IQSEC2: variants seen among roughly 807,000 people sequenced by gnomAD.
IQSEC2 encodes the protein IQ motif and Sec7 domain ArfGEF 2, also known as IQ motif and SEC7 domain-containing protein 2.
Under a neutral mutation model 74.6 loss-of-function variants are expected in IQSEC2, and 6 were observed. That is an observed-to-expected ratio of 0.08 (90% CI 0.04 to 0.16). The LOEUF (loss-of-function observed/expected upper bound fraction) is 0.16. Among genes scored for constraint, IQSEC2 ranks in the 10% least tolerant of loss-of-function variants. IQSEC2 has a pLI of 1.00. For missense variants in IQSEC2, 734 were observed against 1,306.2 expected, an observed-to-expected ratio of 0.56 and a Z score of 6.75; for synonymous variants, 494 against 544.5, an observed-to-expected ratio of 0.91 and a Z score of 1.29.
intron 13 of IQSEC2, 144 bp downstream of exon 13, chrX:53,236,177 GT>G: frequency 1.4e-6 from 1 of 698,411 alleles, no homozygotes; most frequent in Non-Finnish European, 2.1e-6. Context: ...CAGGCCCCCT[GT>G]GGCGCAGCGC....
rs372552860 is a variant in IQSEC2, at chrX:53,239,211, C to T, written c.3099G>A (p.Gln1033=). 3.3e-6 allele frequency: 4 copies of T among 1,198,543 alleles called. No individual in the cohort carries two copies. The highest frequency in any genetic ancestry group is 2.2e-5 in the Admixed American group (1 of 45,797). Reference sequence around the variant, plus strand: ...GGGACTCACATGAATTCTGGAAGAGCTGCATGTGCATTTCCACGAGGGGGA... The same window carrying T: ...GGGACTCACATGAATTCTGGAAGAGTTGCATGTGCATTTCCACGAGGGGGA... ...QSFPLVEMHM[Q]LFQNSYYQFG... Residue 1033 remains glutamine (Q), a synonymous_variant, in exon 11 of 15, where the codon CAG becomes CAA. Coordinates refer to ENST00000642864, the MANE Select transcript of IQSEC2 (RefSeq NM_001111125.3).
chrX:53,293,714 C>A (rs1185046320), intron 1 of IQSEC2, among the ~76,000 whole-genome samples: 1 of 111,650 alleles, frequency 9.0e-6, no homozygotes, highest in Admixed American at 9.5e-5. Context: ...TCTACCAGGC[C>A]CTGCCCTGGG....
intron 1 of IQSEC2, among the ~76,000 whole-genome samples, chrX:53,318,585 G>C (rs918366603): frequency 2.8e-4 from 31 of 112,602 alleles, no homozygotes; most frequent in African/African-American, 9.3e-4. Flanking sequence ...AGTTCTCCCA[G>C]ACTCCCACCC....
intron 1 of IQSEC2, among the ~76,000 whole-genome samples, chrX:53,302,543 C>T (rs1363377314): frequency 8.1e-5 from 9 of 110,972 alleles, no homozygotes; most frequent in Non-Finnish European, 1.3e-4. Context: ...GAGGCTTCAG[C>T]GAGCTATGAT....
chrX:53,227,485 G>A (rs1408121660), downstream of IQSEC2: 7 of 291,663 alleles, frequency 2.4e-5, no homozygotes, highest in Non-Finnish European at 4.2e-5. Flanking sequence ...GGAAAAGGGA[G>A]CTGCTGGGGT....
Position 53,233,663 on chromosome X carries a change from G to C in IQSEC2, c.*556C>G. On this transcript the variant is annotated 3_prime_UTR_variant, in exon 15 of 15. Coordinates refer to ENST00000642864, the MANE Select transcript of IQSEC2 (RefSeq NM_001111125.3). ...GTCCCACCCACCAAGTGCATCAATG[G>C]TCCGTGTCCTCCAGCAGGCAAAAAG... 3.6e-6 allele frequency: 1 copy of C among 276,887 alleles called. No individual in the cohort carries two copies. Among genetic ancestry groups the C allele is most frequent in the Non-Finnish European group, 6.4e-6 (1 of 157,211 alleles). 22.8% of individuals were successfully genotyped at this position (276,887 alleles called of 1,213,427 possible).
intron 2 of IQSEC2, among the ~76,000 whole-genome samples, chrX:53,264,894 G>A (rs2074629808): frequency 9.6e-6 from 1 of 104,261 alleles, no homozygotes; most frequent in Admixed American, 1.1e-4. Context: ...GAGATGGAGA[G>A]CTCGCAGAGG....
intron 2 of IQSEC2, chrX:53,281,635 A>G (rs111446370): frequency 1.4e-5 from 13 of 910,431 alleles, no homozygotes; most frequent in African/African-American, 2.0e-5. Flanking sequence ...AGGCGGGGCC[A>G]GGCCAGCTGG....
downstream of IQSEC2, chrX:53,231,451 C>T (rs2074064165): frequency 9.0e-6 from 1 of 110,951 alleles, no homozygotes. Context: ...CCTTGTGGAA[C>T]ACCTCCCATG....
At chrX:53,277,466 G>A (rs1297635516) in intron 2 of IQSEC2, among the ~76,000 whole-genome samples, 1 of 109,541 alleles carries the variant, frequency 9.1e-6, no homozygotes, top group Admixed American at 9.8e-5. Context: ...TGATCCACCC[G>A]CCTCGGCCTC....
chrX:53,272,306 T>A (rs782185960), intron 2 of IQSEC2, among the ~76,000 whole-genome samples: 2 of 111,184 alleles, frequency 1.8e-5, no homozygotes, highest in Non-Finnish European at 3.8e-5. Context: ...GTCACAGCAG[T>A]ACTCCAAAAG....
chrX:53,313,835 G>T (rs781830238), intron 1 of IQSEC2, among the ~76,000 whole-genome samples: 1 of 112,145 alleles, frequency 8.9e-6, no homozygotes, highest in East Asian at 2.8e-4. Context: ...GGCAGGGAGA[G>T]ATAATGATCA....
In IQSEC2 at chrX:53,320,720, C is replaced by G; in HGVS notation, c.404G>C (p.Arg135Pro). ...NREAVYRDKERDASYPLQDTT... is the reference protein window; with the variant it reads ...NREAVYRDKEPDASYPLQDTT... ...GTCCTGGAGCGGGTAGGAGGCGTCC[C>G]GCTCCTTGTCCCGATACACAGCCTC... The change falls in exon 1 of 15, where the codon CGG (arginine) becomes CCG (proline). Residue 135 changes from arginine (R) to proline (P), a missense_variant. Coordinates refer to ENST00000642864, the MANE Select transcript of IQSEC2 (RefSeq NM_001111125.3). 1 of 1,167,498 alleles carries G rather than the reference C, an allele frequency of 8.6e-7. No homozygotes were observed. Among genetic ancestry groups the G allele is most frequent in the Non-Finnish European group, 1.1e-6 (1 of 872,889 alleles).
intron 2 of IQSEC2, among the ~76,000 whole-genome samples, chrX:53,263,210 AC>A (rs1556866875): frequency 8.0e-5 from 9 of 111,935 alleles, no homozygotes; most frequent in African/African-American, 2.9e-4. Flanking sequence ...AGCAGGAAGG[AC>A]TGAGGTTAGA....
intron 1 of IQSEC2, among the ~76,000 whole-genome samples, chrX:53,293,309 C>T (rs1362997490): frequency 9.0e-6 from 1 of 111,469 alleles, no homozygotes; most frequent in African/African-American, 3.3e-5. Flanking sequence ...GGGTGGGCTG[C>T]GGTGAGAGTC....
At chrX:53,253,921 T>C (rs1294184972) in intron 4 of IQSEC2, among the ~76,000 whole-genome samples, 3 of 112,344 alleles carry the variant, frequency 2.7e-5, no homozygotes, top group African/African-American at 9.7e-5. Context: ...TTATAGTAGA[T>C]CAAGTTCCAA....
At chrX:53,238,533 C>A (rs1029929871) in intron 11 of IQSEC2, among the ~76,000 whole-genome samples, 5 of 109,785 alleles carry the variant, frequency 4.6e-5, no homozygotes, top group African/African-American at 1.7e-4. Context: ...GCACGCACCA[C>A]ATGCGCAGAT....
At chrX:53,302,429 G>T (rs189914892) in intron 1 of IQSEC2, among the ~76,000 whole-genome samples, 5 of 112,267 alleles carry the variant, frequency 4.5e-5, no homozygotes, top group Non-Finnish European at 9.4e-5. Flanking sequence ...CTTCAAATTT[G>T]AATAGTTAGC....
intron 2 of IQSEC2, among the ~76,000 whole-genome samples, chrX:53,290,876 G>T (rs2075092423): frequency 8.9e-6 from 1 of 112,684 alleles, no homozygotes; most frequent in African/African-American, 3.2e-5. Context: ...TTCACAAAGG[G>T]TCACAGCCAA....
Sources: allele counts gnomAD v4.1 joint callset (sites outside exome capture counted in the v4.1 genomes callset), GRCh38; gene constraint gnomAD v4.1.1; transcripts MANE v1.5; gene names NCBI Gene and HGNC (gene_info 2026-07-23, HGNC 2026-07-21).